Variants in GALNT1 observed in about 807,000 individuals in gnomAD.
GALNT1 encodes the protein polypeptide N-acetylgalactosaminyltransferase 1.
Under a neutral mutation model 65.7 loss-of-function variants are expected in GALNT1, and 17 were observed. The observed-to-expected ratio is 0.26, with a 90% CI of 0.18 to 0.39. The LOEUF (loss-of-function observed/expected upper bound fraction) is 0.39. Ranked by LOEUF, GALNT1 falls within the 10% of genes least tolerant of loss-of-function variation. GALNT1 has a pLI of 1.00. For missense variants in GALNT1, 460 were observed against 672.8 expected (o/e 0.68, Z 3.50); for synonymous variants, 210 against 219.7 (o/e 0.96, Z 0.39).
chr18:35,632,363 T>G lies in GALNT1; in HGVS notation c.-103-22197T>G, dbSNP rs565037073. On this transcript the variant is annotated intron_variant, in intron 1 of 11. Coordinates refer to ENST00000269195, the MANE Select transcript of GALNT1 (RefSeq NM_020474.4). ...GTACCAAAACAGAGATATAGACCAA[T>G]GGAACAGAACAGAGCCCTCAGAAAT... Among the ~76,000 whole-genome samples the G allele has an allele frequency of 9.3e-3, 1,411 of 152,100 alleles. 10 individuals are homozygous for G. Among genetic ancestry groups the G allele is most frequent in the Non-Finnish European group, 0.014 (980 of 67,966 alleles).
At chr18:35,700,079 A>G (rs1026018544) in intron 9 of GALNT1, among the ~76,000 whole-genome samples, 6 of 152,146 alleles carry the variant, frequency 3.9e-5, no homozygotes, top group African/African-American at 1.4e-4. Context: ...AACTTACCCC[A>G]TAGTCAACCT....
In GALNT1 at chr18:35,701,071, C is replaced by CT. The variant is rs998960203; in HGVS notation, c.1300-1814dup. Among the ~76,000 whole-genome samples, 137 of 146,428 alleles carry CT rather than the reference C, an allele frequency of 9.4e-4. No individual in the cohort carries two copies. The South Asian group carries it at 0.015, about 16-fold the overall frequency. On this transcript the variant is annotated intron_variant, in intron 9 of 11. Transcript: ENST00000269195. ...ATACTCATCTTTATCACAATATGAA[C>CT]TTTTTTTTTTTTCTTTAAGAGACAG... is the stretch of plus-strand genomic sequence containing the variant.
intron 1 of GALNT1, among the ~76,000 whole-genome samples, chr18:35,583,124 A>G (rs758592841): frequency 6.6e-6 from 1 of 152,142 alleles, no homozygotes; most frequent in Admixed American, 6.5e-5. Flanking sequence ...TCCTTGCCCT[A>G]TTGGAATTGA....
Position 35,677,735 on chromosome 18 carries a change from A to G in GALNT1, c.459A>G (p.Leu153=). 1 of 1,606,666 alleles carries G rather than the reference A, an allele frequency of 6.2e-7. No homozygotes were observed. The change falls in exon 4 of 12, where the codon CTA becomes CTG. Residue 153 remains leucine, a synonymous_variant. Transcript: ENST00000269195. Reference sequence around the variant, plus strand: ...GACACATGATAGAAGAAATTGTTCTAGTAGATGATGCCAGTGAAAGAGGTA... The same window carrying G: ...GACACATGATAGAAGAAATTGTTCTGGTAGATGATGCCAGTGAAAGAGGTA... ...SPRHMIEEIV[L]VDDASERDFL...
chr18:35,618,140 G>A (rs1399445217), intron 1 of GALNT1, among the ~76,000 whole-genome samples: 1 of 149,876 alleles, frequency 6.7e-6, no homozygotes, highest in Non-Finnish European at 1.5e-5. Context: ...GATTTTTCTT[G>A]TGCAATGAGA....
Position 35,702,958 on chromosome 18 carries a change from T to C in GALNT1, c.1361T>C (p.Val454Ala). ...ATGGCTAGAAAAGAGAATGAAAAAG[T>C]TGGAATTTTTAATTGCCATGGTATG... Reference protein sequence around the residue: ...DNMARKENEKVGIFNCHGMGG... With the variant: ...DNMARKENEKAGIFNCHGMGG... Residue 454 changes from valine (V) to alanine (A), a missense_variant, in exon 10 of 12, where the codon GTT becomes GCT. By Grantham distance (64) the Val-to-Ala change is moderately conservative (BLOSUM62 0). Transcript: ENST00000269195. 6.2e-7 allele frequency: 1 copy of C among 1,611,724 alleles called. No individual in the cohort carries two copies. Among genetic ancestry groups the C allele is most frequent in the Non-Finnish European group, 8.5e-7 (1 of 1,179,108 alleles).
intron 1 of GALNT1, among the ~76,000 whole-genome samples, chr18:35,627,055 A>G (rs1347107839): frequency 6.6e-6 from 1 of 152,212 alleles, no homozygotes; most frequent in Non-Finnish European, 1.5e-5. Context: ...GTCAAATGCA[A>G]TGAAAAATGT....
chr18:35,707,900 T>C lies in GALNT1; in HGVS notation c.1534-1724T>C, dbSNP rs77985284. Among the ~76,000 whole-genome samples, 134 of 152,344 alleles carry C rather than the reference T, an allele frequency of 8.8e-4. 1 individual carries two copies. The highest frequency in any genetic ancestry group is 3.0e-3 in the African/African-American group (126 of 41,592). On this transcript the variant is annotated intron_variant, in intron 11 of 11. Coordinates refer to ENST00000269195, the MANE Select transcript of GALNT1 (RefSeq NM_020474.4). ...GAGCCGCAGCGCTCTGGCTGCTGGA[T>C]TGTGTCCATGACTGCTCAGGACGTT...
At chr18:35,663,174 A>G (rs2047500695) in intron 2 of GALNT1, among the ~76,000 whole-genome samples, 1 of 152,192 alleles carries the variant, frequency 6.6e-6, no homozygotes, top group Admixed American at 6.5e-5. Flanking sequence ...TGGAAGCAGG[A>G]GAATGTGAGG....
intron 5 of GALNT1, among the ~76,000 whole-genome samples, chr18:35,686,739 A>C (rs1033070286): frequency 5.3e-5 from 8 of 152,140 alleles, no homozygotes; most frequent in African/African-American, 1.4e-4. Context: ...AAAAAACAAA[A>C]AAAAAATTTT....
At chr18:35,708,383 G>A (rs569712790) in intron 11 of GALNT1, among the ~76,000 whole-genome samples, 2 of 151,826 alleles carry the variant, frequency 1.3e-5, no homozygotes, top group African/African-American at 2.4e-5. Context: ...CATCTGCCAG[G>A]TCCTACTTTG....
chr18:35,626,921 T>G (rs1224459283), intron 1 of GALNT1, among the ~76,000 whole-genome samples: 1 of 152,222 alleles, frequency 6.6e-6, no homozygotes, highest in Non-Finnish European at 1.5e-5. Context: ...AGACCTCCCT[T>G]TCAGTACCAT....
intron 1 of GALNT1, among the ~76,000 whole-genome samples, chr18:35,651,160 A>G (rs1012284446): frequency 6.6e-6 from 1 of 152,156 alleles, no homozygotes; most frequent in Non-Finnish European, 1.5e-5. Context: ...GAACCTTATT[A>G]AAGGTCTCTG....
Position 35,683,531 on chromosome 18 carries a change from C to T in GALNT1, c.622C>T (p.Leu208=). Reference sequence around the variant, plus strand: ...GTCTAAAGGCCAAGTGATCACCTTCCTGGATGCCCATTGTGAGTGTACAGT... The same window carrying T: ...GTCTAAAGGCCAAGTGATCACCTTCTTGGATGCCCATTGTGAGTGTACAGT... ...AVSKGQVITF[L]DAHCECTVGW... The change falls in exon 5 of 12, where the codon CTG becomes TTG. Residue 208 remains leucine, a synonymous_variant. Coordinates refer to ENST00000269195, the MANE Select transcript of GALNT1 (RefSeq NM_020474.4). The T allele has an allele frequency of 6.2e-7, 1 of 1,613,854 alleles. No individual in the cohort carries two copies. Among genetic ancestry groups the T allele is most frequent in the Non-Finnish European group, 8.5e-7 (1 of 1,179,850 alleles).
intron 3 of GALNT1, 129 bp from the exon 4 acceptor site, chr18:35,677,462 T>G (rs2047727094): frequency 1.1e-5 from 6 of 548,116 alleles, no homozygotes. Flanking sequence ...AAGACTTAAA[T>G]GAAAAGGTAC....
At chr18:35,659,131 G>C (rs891161214) in intron 2 of GALNT1, among the ~76,000 whole-genome samples, 1 of 152,084 alleles carries the variant, frequency 6.6e-6, no homozygotes, top group Admixed American at 6.5e-5. Flanking sequence ...TTTTCATATT[G>C]GAAGTACCTA....
intron 1 of GALNT1, among the ~76,000 whole-genome samples, chr18:35,590,821 T>C (rs1251393376): frequency 6.6e-6 from 1 of 152,196 alleles, no homozygotes; most frequent in African/African-American, 2.4e-5. Flanking sequence ...ACTGTCATAG[T>C]GGAGAGGCCT....
At chr18:35,644,833 A>G (rs984052961) in intron 1 of GALNT1, among the ~76,000 whole-genome samples, 1 of 152,096 alleles carries the variant, frequency 6.6e-6, no homozygotes, top group Non-Finnish European at 1.5e-5. Flanking sequence ...TCTACTAAAA[A>G]TACAAAAATT....
chr18:35,634,727 A>G (rs923393635), intron 1 of GALNT1, among the ~76,000 whole-genome samples: 2 of 152,220 alleles, frequency 1.3e-5, no homozygotes, highest in Non-Finnish European at 2.9e-5. Flanking sequence ...GCAGATGTTT[A>G]TACAAACAAT....
Sources: gnomAD v4.1 joint callset for allele counts (sites outside exome capture counted in the v4.1 genomes callset) on GRCh38, gnomAD v4.1.1 for gene constraint, MANE v1.5 for transcripts, NCBI Gene and HGNC (gene_info 2026-07-23, HGNC 2026-07-21) for gene names.